The following GPR39 variants were observed in gnomAD, a reference collection of about 807,000 sequenced individuals.
The protein encoded by GPR39 is G protein-coupled receptor 39, also known as zinc sensing receptor.
GPR39 carries 23 observed loss-of-function variants against 18.4 expected under a neutral mutation model. The observed-to-expected ratio is 1.25, with a 90% confidence interval of 0.90 to 1.77. GPR39 has a LOEUF of 1.77. GPR39 is among the 40% of genes most tolerant of loss of function. GPR39 has a pLI of 0.00. For synonymous variants in GPR39, 280 were observed against 257.9 expected (o/e 1.09, Z -0.82); for missense variants, 647 against 602.4 (o/e 1.07, Z -0.78).
intron 1 of GPR39, among the ~76,000 whole-genome samples, chr2:132,610,143 A>G (rs1039632593): frequency 2.0e-5 from 3 of 152,134 alleles, no homozygotes; most frequent in South Asian, 2.1e-4. Context: ...TGCTGAATGA[A>G]TAGGAATACC....
chr2:132,584,184 G>A (rs1325341061), intron 1 of GPR39, among the ~76,000 whole-genome samples: 1 of 152,134 alleles, frequency 6.6e-6, no homozygotes, highest in African/African-American at 2.4e-5. Flanking sequence ...CTGGCCTGTG[G>A]TGCAGAAGAA....
Position 132,417,659 on chromosome 2 carries a change from A to G in GPR39, c.617A>G (p.Asn206Ser). 1 of 1,613,902 alleles carries G rather than the reference A, an allele frequency of 6.2e-7. No individual in the cohort carries two copies. Among genetic ancestry groups the G allele is most frequent in the Non-Finnish European group, 8.5e-7 (1 of 1,179,962 alleles). Residue 206 changes from asparagine to serine, a missense_variant, in exon 1 of 2, where the codon AAT (asparagine) becomes AGT (serine). Physicochemically the swap from Asn to Ser is conservative, Grantham distance 46. This residue lies in a region of GPR39 where 581 missense variants were observed against 506.8 expected (regional missense o/e 1.15). Transcript: ENST00000329321. ...CACCACGAGCAGCCCGAGACCTCCA[A>G]TATGTCCATCTGTACCAACCTCTCC... is the stretch of plus-strand genomic sequence containing the variant. The part of the protein sequence containing the change: ...TRHHEQPETS[N>S]MSICTNLSSR...
At chr2:132,428,147 G>A (rs1003992299) in intron 1 of GPR39, among the ~76,000 whole-genome samples, 4 of 151,768 alleles carry the variant, frequency 2.6e-5, no homozygotes, top group African/African-American at 7.3e-5. Context: ...GTTAGACCTG[G>A]GGTTTTCCTC....
At chr2:132,465,222 C>G (rs1680905763) in intron 1 of GPR39, among the ~76,000 whole-genome samples, 1 of 152,276 alleles carries the variant, frequency 6.6e-6, no homozygotes, top group Non-Finnish European at 1.5e-5. Context: ...TTGTCCTGAT[C>G]AGATCTGGGC....
chr2:132,461,547 T>C (rs974055906), intron 1 of GPR39, among the ~76,000 whole-genome samples: 2 of 152,236 alleles, frequency 1.3e-5, no homozygotes, highest in Admixed American at 6.5e-5. Context: ...GCTGTAATCA[T>C]TTTGGTCTGT....
At chr2:132,487,842 G>T (rs988710472) in intron 1 of GPR39, among the ~76,000 whole-genome samples, 3 of 151,916 alleles carry the variant, frequency 2.0e-5, no homozygotes, top group Non-Finnish European at 2.9e-5. Context: ...AGGAGAAAGG[G>T]AGAATATTGG....
intron 1 of GPR39, among the ~76,000 whole-genome samples, chr2:132,533,612 TA>T (rs1167651949): frequency 6.6e-6 from 1 of 152,074 alleles, no homozygotes; most frequent in Non-Finnish European, 1.5e-5. Flanking sequence ...AAGGCTACAG[TA>T]ACCAAAACAG....
intron 1 of GPR39, among the ~76,000 whole-genome samples, chr2:132,436,689 G>T (rs75090358): frequency 6.6e-6 from 1 of 152,036 alleles, no homozygotes; most frequent in Non-Finnish European, 1.5e-5. Flanking sequence ...AGAGCCCCCC[G>T]GCTTGAAGGA....
chr2:132,593,982 G>A (rs1205700324), intron 1 of GPR39, among the ~76,000 whole-genome samples: 2 of 152,092 alleles, frequency 1.3e-5, no homozygotes, highest in African/African-American at 2.4e-5. Context: ...TTTTGTCCAG[G>A]TCACTTTGAC....
At chr2:132,609,697 G>A (rs777961253) in intron 1 of GPR39, among the ~76,000 whole-genome samples, 2 of 152,136 alleles carry the variant, frequency 1.3e-5, no homozygotes, top group African/African-American at 2.4e-5. Flanking sequence ...CCTTCTGGCT[G>A]GGGCCTTGTC....
chr2:132,418,332 G>T (rs570671344), intron 1 of GPR39, among the ~76,000 whole-genome samples: 1 of 152,258 alleles, frequency 6.6e-6, no homozygotes, highest in South Asian at 2.1e-4. Context: ...TTTTACCCGG[G>T]GAAGACTTTC....
intron 1 of GPR39, among the ~76,000 whole-genome samples, chr2:132,549,361 A>G (rs953177445): frequency 2.0e-5 from 3 of 152,208 alleles, no homozygotes; most frequent in Non-Finnish European, 2.9e-5. Context: ...TTGGTCTTCC[A>G]AACTTTGCTC....
At chr2:132,627,648 A>AG (rs1681576200) in intron 1 of GPR39, among the ~76,000 whole-genome samples, 1 of 152,212 alleles carries the variant, frequency 6.6e-6, no homozygotes, top group Non-Finnish European at 1.5e-5. Context: ...CTCATAAACA[A>AG]GGGCTCTTGA....
intron 1 of GPR39, among the ~76,000 whole-genome samples, chr2:132,475,571 C>G (rs1340689443): frequency 6.6e-6 from 1 of 152,014 alleles, no homozygotes; most frequent in African/African-American, 2.4e-5. Flanking sequence ...CTTAACTACA[C>G]GAATACCCCC....
At chr2:132,616,487 C>T (rs1681337119) in intron 1 of GPR39, among the ~76,000 whole-genome samples, 1 of 152,174 alleles carries the variant, frequency 6.6e-6, no homozygotes, top group African/African-American at 2.4e-5. Flanking sequence ...GAAAAGAATG[C>T]AGAGTGGAGA....
intron 1 of GPR39, among the ~76,000 whole-genome samples, chr2:132,529,295 G>A (rs969072152): frequency 7.2e-5 from 11 of 152,302 alleles, no homozygotes; most frequent in Non-Finnish European, 1.5e-4. Flanking sequence ...AGGCGGCAGC[G>A]AGGCTGGGGG....
chr2:132,544,801 G>C (rs1679913811), intron 1 of GPR39, among the ~76,000 whole-genome samples: 1 of 152,148 alleles, frequency 6.6e-6, no homozygotes, highest in South Asian at 2.1e-4. Context: ...CAGACCACCT[G>C]AAGTTGGGTG....
intron 1 of GPR39, among the ~76,000 whole-genome samples, chr2:132,615,216 T>A (rs1277572109): frequency 6.6e-6 from 1 of 152,190 alleles, no homozygotes; most frequent in Non-Finnish European, 1.5e-5. Flanking sequence ...GGAGCTGTGA[T>A]AACTCAGCCA....
chr2:132,486,205 C>T (rs968390103), intron 1 of GPR39, among the ~76,000 whole-genome samples: 2 of 152,200 alleles, frequency 1.3e-5, no homozygotes, highest in African/African-American at 4.8e-5. Flanking sequence ...ATGCTATAAA[C>T]AGATGTGCTG....
Sources: allele counts gnomAD v4.1 joint callset (sites outside exome capture counted in the v4.1 genomes callset), GRCh38; gene constraint gnomAD v4.1.1; regional missense constraint gnomAD v4.1.1; transcripts MANE v1.5; gene names NCBI Gene and HGNC (gene_info 2026-07-23, HGNC 2026-07-21).